Variants in RAB38 observed in about 807,000 individuals in gnomAD.
RAB38 encodes the protein ras-related protein Rab-38.
Under a neutral mutation model 18.4 loss-of-function variants are expected in RAB38, and 15 were observed. The observed-to-expected ratio is 0.82, with a 90% CI of 0.55 to 1.26. The LOEUF is 1.26. RAB38 is among the 50% of genes most tolerant of loss of function. RAB38 has a pLI of 0.00. For missense variants in RAB38, 294 were observed against 267.4 expected (o/e 1.10, Z -0.69); for synonymous variants, 101 against 104.4 (o/e 0.97, Z 0.20).
the RAB38 span, among the ~76,000 whole-genome samples, chr11:88,003,554 A>G: frequency 1.4e-4 from 8 of 55,874 alleles, no homozygotes; most frequent in South Asian, 8.3e-4. Context: ...ATTATATATT[A>G]TATAATAGAT....
chr11:87,954,706 G>A, the RAB38 span, among the ~76,000 whole-genome samples: 16 of 152,122 alleles, frequency 1.1e-4, no homozygotes, highest in African/African-American at 3.9e-4. Flanking sequence ...AGGCGAGCCC[G>A]GGAGCAGGCT....
the RAB38 span, among the ~76,000 whole-genome samples, chr11:87,926,150 A>G: frequency 6.6e-6 from 1 of 151,780 alleles, no homozygotes; most frequent in South Asian, 2.1e-4. Flanking sequence ...GGTCCGACCA[A>G]TGAAAGAATC....
chr11:87,900,144 A>G, the RAB38 span, among the ~76,000 whole-genome samples: 1 of 151,718 alleles, frequency 6.6e-6, no homozygotes, highest in Admixed American at 6.6e-5. Context: ...TAAAAAATTG[A>G]AATACACAAG....
intron 2 of RAB38, among the ~76,000 whole-genome samples, chr11:88,142,454 A>C (rs1234267334): frequency 6.6e-6 from 1 of 152,224 alleles, no homozygotes; most frequent in African/African-American, 2.4e-5. Context: ...CTATGCACTG[A>C]AGCATGGATC....
the RAB38 span, among the ~76,000 whole-genome samples, chr11:88,026,923 C>T: frequency 6.6e-6 from 1 of 152,098 alleles, no homozygotes; most frequent in Non-Finnish European, 1.5e-5. Flanking sequence ...AATTGTGAGA[C>T]ATTTTACATA....
chr11:87,942,572 CT>C, the RAB38 span, among the ~76,000 whole-genome samples: 3 of 152,108 alleles, frequency 2.0e-5, no homozygotes, highest in African/African-American at 7.2e-5. Flanking sequence ...AAGATTAAGA[CT>C]TGACTTGAGG....
the RAB38 span, among the ~76,000 whole-genome samples, chr11:87,897,094 A>T: frequency 2.0e-5 from 3 of 151,582 alleles, no homozygotes; most frequent in Non-Finnish European, 4.4e-5. Context: ...GAAGTTAGGT[A>T]CTTTTAAAGT....
chr11:88,141,145 G>A (rs558125021), intron 2 of RAB38, among the ~76,000 whole-genome samples: 160 of 152,196 alleles, frequency 1.1e-3, no homozygotes, highest in African/African-American at 3.1e-3. Flanking sequence ...TAGAATCAAG[G>A]CAGACCTGAC....
chr11:87,861,279 T>G, the RAB38 span, among the ~76,000 whole-genome samples: 5 of 151,934 alleles, frequency 3.3e-5, no homozygotes, highest in Admixed American at 2.0e-4. Context: ...CAGTTCCGAC[T>G]GAAAAATTAA....
chr11:87,923,547 CTGTGTGTGTGTG>C, the RAB38 span, among the ~76,000 whole-genome samples: 2 of 146,868 alleles, frequency 1.4e-5, no homozygotes, highest in African/African-American at 2.5e-5. Context: ...TCAATTAATT[CTGTGTGTGTGTG>C]TGTGTGTGTG....
the RAB38 span, among the ~76,000 whole-genome samples, chr11:88,004,515 A>G: frequency 2.0e-5 from 3 of 151,234 alleles, no homozygotes; most frequent in Admixed American, 6.6e-5. Flanking sequence ...TACAAGAAAC[A>G]TTACACTTAT....
chr11:87,823,391 T>C, the RAB38 span, among the ~76,000 whole-genome samples: 65 of 152,228 alleles, frequency 4.3e-4, no homozygotes, highest in African/African-American at 1.4e-3. Flanking sequence ...CCAGCATTTT[T>C]TTTTTTTGGT....
the RAB38 span, among the ~76,000 whole-genome samples, chr11:87,820,392 A>T: frequency 6.6e-6 from 1 of 152,220 alleles, no homozygotes; most frequent in African/African-American, 2.4e-5. Context: ...TTGTCTTTTA[A>T]TAACAATAAA....
intron 1 of RAB38, among the ~76,000 whole-genome samples, chr11:88,154,069 C>G (rs953636343): frequency 7.2e-5 from 11 of 152,204 alleles, no homozygotes; most frequent in Admixed American, 7.2e-4. Context: ...GAGCCTCCCT[C>G]TGTGACTTGC....
the RAB38 span, among the ~76,000 whole-genome samples, chr11:87,836,321 C>A: frequency 6.6e-6 from 1 of 152,176 alleles, no homozygotes; most frequent in Admixed American, 6.5e-5. Flanking sequence ...TCTGTCCTTT[C>A]TCTGGCATTC....
the RAB38 span, among the ~76,000 whole-genome samples, chr11:88,082,625 C>T: frequency 6.6e-6 from 1 of 151,830 alleles, no homozygotes. Flanking sequence ...CATCTTTGAC[C>T]TTTATCTCTC....
Position 88,175,187 on chromosome 11 carries a change from G to T in RAB38, c.198C>A (p.Ile66=), listed in dbSNP as rs1043873855. The T allele has an allele frequency of 1.2e-6, 2 of 1,605,174 alleles. No homozygotes were observed. The highest frequency in any genetic ancestry group is 1.1e-5 in the South Asian group (1 of 89,946). The change falls in exon 1 of 3, where the codon ATC becomes ATA. Residue 66 remains isoleucine, a synonymous_variant. Transcript: ENST00000243662. ...ACCCCCTCCCCCCGCGCTCACCTGC[G>T]ATATCCCAGAGCTGCAGGCGCACCA... is the stretch of plus-strand genomic sequence containing the variant. ...ETVVRLQLWD[I]AGQERFGNMT...
chr11:87,908,863 G>C, the RAB38 span, among the ~76,000 whole-genome samples: 1 of 151,758 alleles, frequency 6.6e-6, no homozygotes, highest in Non-Finnish European at 1.5e-5. Flanking sequence ...CTGAATGTTA[G>C]GAATATTGGA....
At chr11:88,035,904 G>T in the RAB38 span, among the ~76,000 whole-genome samples, 2 of 151,050 alleles carry the variant, frequency 1.3e-5, no homozygotes, top group East Asian at 3.9e-4. Flanking sequence ...AATCCTGTTT[G>T]CCTTGATTTC....
Sources: allele counts gnomAD v4.1 joint callset (sites outside exome capture counted in the v4.1 genomes callset), GRCh38; gene constraint gnomAD v4.1.1; transcripts MANE v1.5; gene names NCBI Gene and HGNC (gene_info 2026-07-23, HGNC 2026-07-21).